DLGAP1: variants seen among roughly 807,000 people sequenced by gnomAD.
DLGAP1 encodes the protein DLG associated protein 1.
Under a neutral mutation model 90.8 loss-of-function variants are expected in DLGAP1, and 11 were observed. That is an observed-to-expected ratio of 0.12 (90% CI 0.08 to 0.20). DLGAP1 has a LOEUF of 0.20. DLGAP1 is among the 10% of genes least tolerant of loss of function. DLGAP1 has a pLI of 1.00. For synonymous variants in DLGAP1, 558 were observed against 540.7 expected, an observed-to-expected ratio of 1.03 and a Z score of -0.44; for missense variants, 1,050 against 1,333.8, an observed-to-expected ratio of 0.79 and a Z score of 3.31.
In DLGAP1 at chr18:3,729,084, C is replaced by A; in HGVS notation, c.1591+51G>T. On this transcript the variant is annotated intron_variant, in intron 7 of 12. Transcript: ENST00000315677. The surrounding 1 kb of genome is among the most constrained non-coding windows in gnomAD (Gnocchi z 6.2). ...CAAGGGCACAGTCTTTGGGGACAGT[C>A]GTGCCATAGCCAGCACAGGGGCCAG... 1.9e-6 allele frequency: 3 copies of A among 1,555,392 alleles called. No individual in the cohort carries two copies. In the South Asian group the frequency reaches 3.6e-5, roughly 19 times the overall value.
At chr18:4,406,023 G>T (rs2082656520) in intron 1 of DLGAP1, among the ~76,000 whole-genome samples, 2 of 152,210 alleles carry the variant, frequency 1.3e-5, no homozygotes, top group South Asian at 2.1e-4. Flanking sequence ...AACCGTAGAG[G>T]ATTCCCATTA....
intron 9 of DLGAP1, among the ~76,000 whole-genome samples, chr18:3,559,459 G>A (rs1485950919): frequency 6.6e-5 from 10 of 151,498 alleles, no homozygotes; most frequent in Admixed American, 4.6e-4. Flanking sequence ...TCTTATTTTT[G>A]TCTTTCACAT....
intron 1 of DLGAP1, among the ~76,000 whole-genome samples, chr18:4,313,951 T>C (rs1229772003): frequency 6.6e-6 from 1 of 152,214 alleles, no homozygotes. Flanking sequence ...TATGGAGAAC[T>C]ATCCTTCTTT....
At chr18:3,719,556 CAAAAAAAAAAA>C (rs60129859) in intron 7 of DLGAP1, among the ~76,000 whole-genome samples, 1 of 58,426 alleles carries the variant, frequency 1.7e-5, no homozygotes, top group African/African-American at 5.4e-5. Context: ...GACTCTGTCT[CAAAAAAAAAAA>C]AAAAAAAAAA....
chr18:3,831,354 T>C (rs1385199592), intron 4 of DLGAP1, among the ~76,000 whole-genome samples: 1 of 152,170 alleles, frequency 6.6e-6, no homozygotes, highest in African/African-American at 2.4e-5. Flanking sequence ...TTTAATACTT[T>C]AAGTTCTGTG....
intron 5 of DLGAP1, among the ~76,000 whole-genome samples, chr18:3,801,196 A>G (rs760687871): frequency 6.6e-6 from 1 of 152,162 alleles, no homozygotes; most frequent in Non-Finnish European, 1.5e-5. Flanking sequence ...CCAAGACCCA[A>G]ACACCTTCCA....
chr18:3,791,145 A>G (rs115511630), intron 5 of DLGAP1, among the ~76,000 whole-genome samples: 224 of 152,272 alleles, frequency 1.5e-3, no homozygotes, highest in African/African-American at 5.2e-3. Context: ...CGGTGGGGGA[A>G]TATGTGGCAG....
At position 4,145,853 on chromosome 18, in the gene DLGAP1, C is replaced by T. The variant is rs138511166; in HGVS notation, c.-159+5327G>A. On this transcript the variant is annotated intron_variant, in intron 2 of 12. Coordinates refer to ENST00000315677, the MANE Select transcript of DLGAP1 (RefSeq NM_004746.4). ...TTTCTCCCCAAGCTAGATTACAAGG[C>T]AGAAAACAAAACGTAATTTGCAAAC... Among the ~76,000 whole-genome samples, 1,271 of 152,134 alleles carry T rather than the reference C, an allele frequency of 8.4e-3. 13 individuals carry two copies. The highest frequency in any genetic ancestry group is 0.029 in the African/African-American group (1,223 of 41,524).
intron 7 of DLGAP1, among the ~76,000 whole-genome samples, chr18:3,703,894 A>G (rs1222734580): frequency 6.6e-6 from 1 of 152,138 alleles, no homozygotes; most frequent in East Asian, 1.9e-4. Context: ...TGCACCCTAC[A>G]TGATACAAAT....
intron 3 of DLGAP1, among the ~76,000 whole-genome samples, chr18:3,924,677 G>A (rs779947356): frequency 1.3e-5 from 2 of 152,118 alleles, no homozygotes; most frequent in Non-Finnish European, 2.9e-5. Flanking sequence ...ACCTTCTGAT[G>A]CAGCCAAATC....
intron 1 of DLGAP1, among the ~76,000 whole-genome samples, chr18:4,263,277 C>T (rs933941577): frequency 4.9e-4 from 74 of 152,250 alleles, no homozygotes; most frequent in African/African-American, 1.7e-3. Flanking sequence ...CTGAGTGGTT[C>T]TGCAACTATC....
intron 2 of DLGAP1, among the ~76,000 whole-genome samples, chr18:4,116,225 C>A (rs572065205): frequency 2.0e-5 from 3 of 152,176 alleles, no homozygotes; most frequent in African/African-American, 4.8e-5. Context: ...AATAAGAAGA[C>A]AATTGTTAAT....
At chr18:4,278,153 G>A (rs536175162) in intron 1 of DLGAP1, among the ~76,000 whole-genome samples, 2 of 152,008 alleles carry the variant, frequency 1.3e-5, no homozygotes, top group East Asian at 3.8e-4. Context: ...TGTTATGTGA[G>A]TTAAATATGT....
At chr18:3,636,584 G>C (rs1329237200) in intron 7 of DLGAP1, among the ~76,000 whole-genome samples, 3 of 126,244 alleles carry the variant, frequency 2.4e-5, no homozygotes, top group Non-Finnish European at 5.0e-5. Context: ...GCTAAATTTT[G>C]TATTTTTTTT....
chr18:4,060,009 T>A (rs1239779376), intron 2 of DLGAP1, among the ~76,000 whole-genome samples: 1 of 152,050 alleles, frequency 6.6e-6, no homozygotes, highest in Non-Finnish European at 1.5e-5. Context: ...ACTGCCCCAA[T>A]GGAATTAGTG....
chr18:3,946,148 T>G (rs967888845), intron 3 of DLGAP1, among the ~76,000 whole-genome samples: 1 of 152,198 alleles, frequency 6.6e-6, no homozygotes, highest in African/African-American at 2.4e-5. Context: ...CTTGAGTCCT[T>G]TGGTTGCACA....
chr18:3,764,567 C>G (rs1452246197), intron 5 of DLGAP1, among the ~76,000 whole-genome samples: 1 of 152,222 alleles, frequency 6.6e-6, no homozygotes, highest in East Asian at 1.9e-4. Context: ...GTTCCATATA[C>G]CCCTTGTTAA....
rs575780136 is a variant in DLGAP1, at chr18:4,317,625, C to T, written c.-267+137381G>A. Reference sequence around the variant, plus strand: ...CTGAATTCAGATATTAAAAAGTTTGCATACTCCCTATTCACCCAGAAACTT... The same window carrying T: ...CTGAATTCAGATATTAAAAAGTTTGTATACTCCCTATTCACCCAGAAACTT... On this transcript the variant is annotated intron_variant, in intron 1 of 12. Coordinates refer to ENST00000315677, the MANE Select transcript of DLGAP1 (RefSeq NM_004746.4). Among the ~76,000 whole-genome samples, 25 of 152,294 alleles carry T rather than the reference C, an allele frequency of 1.6e-4. 1 individual carries two copies. The South Asian group carries it at 5.2e-3, about 32-fold the overall frequency.
chr18:4,032,958 C>T (rs2074823284), intron 2 of DLGAP1, among the ~76,000 whole-genome samples: 1 of 151,946 alleles, frequency 6.6e-6, no homozygotes, highest in Non-Finnish European at 1.5e-5. Flanking sequence ...TGACAGAAAG[C>T]ATGAATAAAT....
Sources: allele counts gnomAD v4.1 joint callset (sites outside exome capture counted in the v4.1 genomes callset), GRCh38; gene constraint gnomAD v4.1.1; non-coding constraint Gnocchi (gnomAD v3.1); transcripts MANE v1.5; gene names NCBI Gene and HGNC (gene_info 2026-07-23, HGNC 2026-07-21).